Variants in RIMS2 observed in about 807,000 individuals in gnomAD.
The protein encoded by RIMS2 is regulating synaptic membrane exocytosis protein 2.
RIMS2 carries 59 observed loss-of-function variants against 174.4 expected under a neutral mutation model. The observed-to-expected ratio is 0.34, with a 90% CI of 0.27 to 0.42. The LOEUF (loss-of-function observed/expected upper bound fraction) is 0.42. RIMS2 is among the 10% of genes least tolerant of loss of function. The pLI, the probability that RIMS2 is intolerant of heterozygous loss-of-function variation, is 1.00. For missense variants in RIMS2, 1,620 were observed against 1,666.3 expected, an observed-to-expected ratio of 0.97 and a Z score of 0.48; for synonymous variants, 606 against 572.5, an observed-to-expected ratio of 1.06 and a Z score of -0.84.
At chr8:103,852,510 G>A (rs77642152) in intron 3 of RIMS2, among the ~76,000 whole-genome samples, 1,559 of 151,228 alleles carry the variant, frequency 0.01, 29 homozygotes, top group African/African-American at 0.036. Context: ...CAACCAGGTT[G>A]CAAGCATGGT....
At chr8:103,918,484 T>C in exon 9 of RIMS2, 1 of 1,601,432 alleles carries the variant, frequency 6.2e-7, no homozygotes, top group African/African-American at 1.3e-5. Context: ...ACAACTGGAG[T>C]CCAGTAAGTT....
At chr8:104,046,401 A>G (rs2096695961) in intron 19 of RIMS2, among the ~76,000 whole-genome samples, 2 of 152,092 alleles carry the variant, frequency 1.3e-5, no homozygotes, top group African/African-American at 4.8e-5. Flanking sequence ...ACAAATATTC[A>G]GACTAGCATG....
chr8:103,997,192 C>T (rs542389034), intron 17 of RIMS2, among the ~76,000 whole-genome samples: 4 of 151,554 alleles, frequency 2.6e-5, no homozygotes, highest in East Asian at 3.9e-4. Context: ...AGAAAATGAG[C>T]GAGATACAGT....
chr8:104,171,155 T>C (rs1586481280), intron 19 of RIMS2, among the ~76,000 whole-genome samples: 1 of 152,152 alleles, frequency 6.6e-6, no homozygotes, highest in Non-Finnish European at 1.5e-5. Flanking sequence ...CCAGAAGTTC[T>C]TGGAGCTTTT....
At chr8:103,870,322 G>T (rs889674357) in intron 3 of RIMS2, among the ~76,000 whole-genome samples, 4 of 151,746 alleles carry the variant, frequency 2.6e-5, no homozygotes, top group Non-Finnish European at 5.9e-5. Flanking sequence ...CCACAACTCA[G>T]TGCTAAGTTT....
chr8:103,587,469 A>AAAGAAAGAAAGAAAGAAAGAAAGAAAG (rs59840606), intron 1 of RIMS2, among the ~76,000 whole-genome samples: 3 of 59,950 alleles, frequency 5.0e-5, no homozygotes, highest in Non-Finnish European at 1.2e-4. Flanking sequence ...AGAAAGAAAG[A>AAAGAAAGAAAGAAAGAAAGAAAGAAAG]AACTATGCAC....
chr8:103,811,543 C>G (rs1379164568), intron 3 of RIMS2, among the ~76,000 whole-genome samples: 1 of 152,108 alleles, frequency 6.6e-6, no homozygotes, highest in Non-Finnish European at 1.5e-5. Flanking sequence ...CTCCTGGGTT[C>G]AAGTGATTCT....
At chr8:103,820,864 A>G (rs2098747696) in intron 3 of RIMS2, among the ~76,000 whole-genome samples, 1 of 151,506 alleles carries the variant, frequency 6.6e-6, no homozygotes, top group South Asian at 2.1e-4. Flanking sequence ...TTCCTTTTTT[A>G]AAGTGATACA....
intron 19 of RIMS2, among the ~76,000 whole-genome samples, chr8:104,205,782 G>A (rs2099077188): frequency 6.7e-6 from 1 of 148,330 alleles, no homozygotes; most frequent in Admixed American, 6.8e-5. Flanking sequence ...TTGAGATGAA[G>A]TCTCGCTGTG....
chr8:103,804,804 CT>C (rs1291185845), intron 3 of RIMS2, among the ~76,000 whole-genome samples: 6 of 149,362 alleles, frequency 4.0e-5, no homozygotes, highest in South Asian at 2.1e-4. Flanking sequence ...TAGAAATTGT[CT>C]TTTTTTTTTC....
At chr8:103,733,492 A>G (rs1421819316) in intron 2 of RIMS2, among the ~76,000 whole-genome samples, 1 of 152,172 alleles carries the variant, frequency 6.6e-6, no homozygotes, top group African/African-American at 2.4e-5. Flanking sequence ...GGACTTACCC[A>G]GAAATCGCAG....
chr8:103,620,213 G>A (rs1445450461), intron 1 of RIMS2, among the ~76,000 whole-genome samples: 1 of 152,052 alleles, frequency 6.6e-6, no homozygotes, highest in Non-Finnish European at 1.5e-5. Flanking sequence ...TTGTATACAT[G>A]GCAACTTTTC....
intron 1 of RIMS2, among the ~76,000 whole-genome samples, chr8:103,614,251 C>T (rs140631946): frequency 1.3e-5 from 2 of 152,228 alleles, no homozygotes; most frequent in African/African-American, 2.4e-5. Context: ...AGGTCTGGTC[C>T]GTTTGCTCTC....
At chr8:103,869,807 TG>T (rs1408387858) in intron 3 of RIMS2, among the ~76,000 whole-genome samples, 4 of 152,114 alleles carry the variant, frequency 2.6e-5, no homozygotes, top group African/African-American at 9.7e-5. Flanking sequence ...TGTTAGAAAG[TG>T]GGGGCAGTTT....
intron 1 of RIMS2, among the ~76,000 whole-genome samples, chr8:103,512,711 C>T (rs1238021448): frequency 1.3e-5 from 2 of 152,078 alleles, no homozygotes; most frequent in African/African-American, 4.8e-5. Context: ...ATAACTATCA[C>T]AGGATTGATA....
chr8:103,915,970 G>A (rs2076562760), intron 7 of RIMS2, among the ~76,000 whole-genome samples: 2 of 151,848 alleles, frequency 1.3e-5, no homozygotes, highest in South Asian at 4.1e-4. Context: ...TACTGTTGGA[G>A]AAATCCTTGA....
chr8:103,945,691 A>T (rs2083556431), intron 14 of RIMS2, among the ~76,000 whole-genome samples: 1 of 152,054 alleles, frequency 6.6e-6, no homozygotes, highest in African/African-American at 2.4e-5. Context: ...CAAAAACCAC[A>T]TGAATATATG....
intron 1 of RIMS2, among the ~76,000 whole-genome samples, chr8:103,690,796 G>C (rs2097013667): frequency 6.6e-6 from 1 of 152,116 alleles, no homozygotes; most frequent in African/African-American, 2.4e-5. Context: ...ACTATTACTA[G>C]TGAGTTTTGT....
At chr8:104,135,658 A>G (rs967166221) in intron 19 of RIMS2, among the ~76,000 whole-genome samples, 2 of 150,978 alleles carry the variant, frequency 1.3e-5, no homozygotes, top group Non-Finnish European at 2.9e-5. Flanking sequence ...GTTGAGATGT[A>G]CACAGAGAAG....
Sources: allele counts gnomAD v4.1 joint callset (sites outside exome capture counted in the v4.1 genomes callset), GRCh38; gene constraint gnomAD v4.1.1; transcripts MANE v1.5; gene names NCBI Gene and HGNC (gene_info 2026-07-23, HGNC 2026-07-21).